ZNF407: variants seen among roughly 807,000 people sequenced by gnomAD.
ZNF407 encodes zinc finger protein 407.
In ZNF407, 17 loss-of-function variants were observed where a neutral mutation model predicts 131.2. The ratio of observed to expected loss-of-function variants is 0.13; its 90% CI spans 0.09 to 0.19. The LOEUF is 0.19. Ranked by LOEUF, ZNF407 falls within the 10% of genes least tolerant of loss-of-function variation. The probability of loss-of-function intolerance (pLI) is 1.00; values close to 1 mark genes in which losing one functional copy is unlikely to be tolerated. For missense variants in ZNF407, 2,681 were observed against 2,830.6 expected (o/e 0.95, Z 1.20); for synonymous variants, 1,156 against 1,062.0 (o/e 1.09, Z -1.72).
At chr18:74,709,545 C>T (rs1359493980) in intron 3 of ZNF407, among the ~76,000 whole-genome samples, 1 of 152,184 alleles carries the variant, frequency 6.6e-6, no homozygotes, top group African/African-American at 2.4e-5. Flanking sequence ...TGAGTAGGAA[C>T]ATTTATCCAG....
At chr18:74,901,256 C>T (rs1459263024) in intron 7 of ZNF407, among the ~76,000 whole-genome samples, 1 of 152,160 alleles carries the variant, frequency 6.6e-6, no homozygotes, top group Non-Finnish European at 1.5e-5. Context: ...TGCTTCGTTT[C>T]ATTATGAATT....
At chr18:74,668,044 A>C (rs977697992) in intron 3 of ZNF407, among the ~76,000 whole-genome samples, 1 of 152,126 alleles carries the variant, frequency 6.6e-6, no homozygotes, top group East Asian at 1.9e-4. Context: ...GGAGCTGACC[A>C]GTTCATCCGT....
At chr18:74,669,654 C>T (rs1986065694) in intron 3 of ZNF407, among the ~76,000 whole-genome samples, 1 of 152,190 alleles carries the variant, frequency 6.6e-6, no homozygotes, top group Admixed American at 6.5e-5. Flanking sequence ...CTCTCCACCT[C>T]CTCCAGCTGA....
chr18:74,799,661 C>T (rs1284849486), intron 4 of ZNF407, among the ~76,000 whole-genome samples: 2 of 151,954 alleles, frequency 1.3e-5, no homozygotes, highest in Non-Finnish European at 2.9e-5. Context: ...TAGGTAGAGA[C>T]AGTGGTAGTG....
At chr18:74,972,004 C>G (rs188942308) in intron 8 of ZNF407, among the ~76,000 whole-genome samples, 7 of 152,262 alleles carry the variant, frequency 4.6e-5, no homozygotes, top group Admixed American at 3.9e-4. Context: ...AAAGTGGAAA[C>G]TCCTGATAAA....
At chr18:74,999,692 A>G (rs1273622552) in intron 8 of ZNF407, among the ~76,000 whole-genome samples, 3 of 152,254 alleles carry the variant, frequency 2.0e-5, no homozygotes, top group African/African-American at 7.2e-5. Context: ...TGCCCACAAA[A>G]AGAATAAATT....
At chr18:74,700,919 T>C (rs1261256132) in intron 3 of ZNF407, among the ~76,000 whole-genome samples, 2 of 152,138 alleles carry the variant, frequency 1.3e-5, no homozygotes, top group South Asian at 2.1e-4. Context: ...CTGAATTGTG[T>C]CCCTGAAAAA....
intron 4 of ZNF407, among the ~76,000 whole-genome samples, chr18:74,874,954 G>A (rs1004385851): frequency 2.0e-5 from 3 of 152,168 alleles, no homozygotes; most frequent in Admixed American, 6.5e-5. Flanking sequence ...CACCCGGCAA[G>A]ATAGAGCTGT....
intron 8 of ZNF407, among the ~76,000 whole-genome samples, chr18:75,034,597 C>T (rs542738132): frequency 2.1e-4 from 31 of 151,012 alleles, no homozygotes; most frequent in African/African-American, 6.8e-4. Context: ...CCACTGCGCC[C>T]GGCGGGTTTT....
At chr18:74,613,383 A>G (rs1025106176) in intron 1 of ZNF407, among the ~76,000 whole-genome samples, 1 of 152,254 alleles carries the variant, frequency 6.6e-6, no homozygotes, top group African/African-American at 2.4e-5. Context: ...GGAAAAACAA[A>G]AAGATGACTC....
chr18:74,816,019 C>T (rs1045835257), intron 4 of ZNF407, among the ~76,000 whole-genome samples: 2 of 152,086 alleles, frequency 1.3e-5, no homozygotes, highest in African/African-American at 2.4e-5. Context: ...CAGCACGATT[C>T]GTTTGGACTT....
At chr18:74,924,118 G>C (rs1348919811) in intron 8 of ZNF407, among the ~76,000 whole-genome samples, 1 of 152,134 alleles carries the variant, frequency 6.6e-6, no homozygotes, top group Non-Finnish European at 1.5e-5. Context: ...TTATATGATT[G>C]TGTTTATATT....
chr18:74,681,499 T>A (rs56174368), intron 3 of ZNF407, among the ~76,000 whole-genome samples: 9,681 of 152,212 alleles, frequency 0.064, 391 homozygotes, highest in East Asian at 0.11. Context: ...CACCTTGGCC[T>A]TCCAAGGTGC....
chr18:74,768,810 A>G (rs555597084), intron 3 of ZNF407, among the ~76,000 whole-genome samples: 3 of 152,158 alleles, frequency 2.0e-5, no homozygotes, highest in Non-Finnish European at 4.4e-5. Context: ...CTCTTTGGCC[A>G]TAGTGTTCTC....
intron 1 of ZNF407, among the ~76,000 whole-genome samples, chr18:74,599,522 A>T (rs886820001): frequency 6.6e-6 from 1 of 152,128 alleles, no homozygotes; most frequent in Non-Finnish European, 1.5e-5. Context: ...CACATAAATA[A>T]ATATATATAA....
At chr18:74,624,018 C>T (rs761054284) in intron 1 of ZNF407, among the ~76,000 whole-genome samples, 1 of 152,146 alleles carries the variant, frequency 6.6e-6, no homozygotes, top group Non-Finnish European at 1.5e-5. Context: ...CTTGCCAGGT[C>T]TTCTCAATCT....
chr18:74,826,277 TAGG>T (rs983766229), intron 4 of ZNF407, among the ~76,000 whole-genome samples: 1 of 152,128 alleles, frequency 6.6e-6, no homozygotes, highest in African/African-American at 2.4e-5. Flanking sequence ...AGAAAACTGA[TAGG>T]AGAGAGAGAG....
At chr18:74,621,139 G>A in intron 1 of ZNF407, among the ~76,000 whole-genome samples, 1 of 151,940 alleles carries the variant, frequency 6.6e-6, no homozygotes. Context: ...TAATTTTGTG[G>A]GTACATAGCA....
At position 75,063,307 on chromosome 18, in the gene ZNF407, G is replaced by A. The variant is rs751849244; in HGVS notation, c.5586G>A (p.Gln1862=). Residue 1862 remains glutamine (Q), a synonymous_variant, in exon 9 of 9, where the codon CAG becomes CAA. Coordinates refer to ENST00000299687, the MANE Select transcript of ZNF407 (RefSeq NM_017757.3). The surrounding 1 kb of genome is among the most constrained non-coding windows in gnomAD (Gnocchi z 6.6). ...SSRRPAPPPE[Q]VQQVIIFQGY... is the part of the protein sequence containing the mutation. The stretch of plus-strand genomic sequence containing the variant: ...GGAGGCCAGCGCCGCCCCCTGAGCA[G>A]GTGCAGCAGGTCATCATCTTCCAGG... 5 of 1,613,550 alleles carry A rather than the reference G, an allele frequency of 3.1e-6. No individual in the cohort carries two copies. In the East Asian group the frequency reaches 6.7e-5, roughly 22 times the overall value.
Sources: allele counts gnomAD v4.1 joint callset (sites outside exome capture counted in the v4.1 genomes callset), GRCh38; gene constraint gnomAD v4.1.1; non-coding constraint Gnocchi (gnomAD v3.1); transcripts MANE v1.5; gene names NCBI Gene and HGNC (gene_info 2026-07-23, HGNC 2026-07-21).